Variants in SPICE1 observed in about 807,000 individuals in gnomAD.
SPICE1 encodes spindle and centriole associated protein 1, also known as spindle and centriole-associated protein 1.
SPICE1 carries 75 observed loss-of-function variants against 102.7 expected under a neutral mutation model. The observed-to-expected ratio is 0.73, with a 90% CI of 0.61 to 0.88. The LOEUF is 0.88. SPICE1 is among the 40% of genes least tolerant of loss of function. The pLI is 0.00. For missense variants in SPICE1, 979 were observed against 1,020.1 expected, an observed-to-expected ratio of 0.96 and a Z score of 0.55; for synonymous variants, 308 against 350.3, an observed-to-expected ratio of 0.88 and a Z score of 1.35.
intron 7 of SPICE1, among the ~76,000 whole-genome samples, chr3:113,479,261 T>C (rs1011075467): frequency 1.3e-5 from 2 of 151,146 alleles, no homozygotes; most frequent in African/African-American, 2.4e-5. Context: ...TTACTGAGAA[T>C]GATGATTTCC....
rs544807967 is a variant in SPICE1, at chr3:113,459,703, G to A, written c.1435+914C>T. On this transcript the variant is annotated intron_variant, in intron 12 of 17. Transcript: ENST00000295872. ...TCGAGACCAGGCTGGCCAACATGGTGAAACCCCGTCTCTACTAAAAACACA... is the reference window on the plus strand; with the variant it reads ...TCGAGACCAGGCTGGCCAACATGGTAAAACCCCGTCTCTACTAAAAACACA... 6.6e-6 allele frequency: 5 copies of A among 755,824 alleles called. No individual in the cohort carries two copies. The East Asian group carries it at 6.5e-4, about 99-fold the overall frequency. 46.8% of individuals were successfully genotyped at this position (755,824 alleles called of 1,614,324 possible).
chr3:113,471,162 T>C (rs1936186722), intron 7 of SPICE1, among the ~76,000 whole-genome samples: 1 of 152,128 alleles, frequency 6.6e-6, no homozygotes, highest in South Asian at 2.1e-4. Context: ...CTGAAGATAT[T>C]CCATGTCCTA....
At chr3:113,474,270 C>G (rs999209434) in intron 7 of SPICE1, among the ~76,000 whole-genome samples, 5 of 152,026 alleles carry the variant, frequency 3.3e-5, no homozygotes, top group African/African-American at 1.2e-4. Context: ...AATACAGGAG[C>G]ACCCAGATTC....
At chr3:113,450,110 C>T (rs576471082) in intron 15 of SPICE1, 199 of 544,400 alleles carry the variant, frequency 3.7e-4, no homozygotes, top group Non-Finnish European at 4.6e-5. Flanking sequence ...ACTCAGACAC[C>T]AAAGATTAAC....
intron 12 of SPICE1, 151 bp downstream of exon 12, chr3:113,460,466 T>G (rs949404060): frequency 6.5e-6 from 9 of 1,385,538 alleles, no homozygotes; most frequent in Non-Finnish European, 8.4e-6. Flanking sequence ...CAATATTAGC[T>G]GGAAAAGTAG....
intron 7 of SPICE1, among the ~76,000 whole-genome samples, chr3:113,488,175 T>A (rs1376652322): frequency 6.6e-6 from 1 of 152,218 alleles, no homozygotes; most frequent in Non-Finnish European, 1.5e-5. Context: ...TAAATCAATG[T>A]AATTTCCTGA....
chr3:113,455,378 A>G (rs1935756680), intron 13 of SPICE1, among the ~76,000 whole-genome samples: 1 of 152,230 alleles, frequency 6.6e-6, no homozygotes, highest in African/African-American at 2.4e-5. Context: ...GAAATTCTAC[A>G]GCAATAGTGT....
chr3:113,460,371 T>C (rs1935902351), intron 12 of SPICE1: 1 of 914,718 alleles, frequency 1.1e-6, no homozygotes, highest in Middle Eastern at 5.6e-4. Context: ...GGGATAACAA[T>C]AACACCTACC....
intron 6 of SPICE1, among the ~76,000 whole-genome samples, chr3:113,490,910 T>C (rs998189091): frequency 1.3e-5 from 2 of 152,174 alleles, no homozygotes; most frequent in African/African-American, 4.8e-5. Context: ...CCTTCCCTAT[T>C]GGCATGGCTT....
intron 12 of SPICE1, chr3:113,459,831 G>C (rs1001294267): frequency 1.0e-6 from 1 of 963,350 alleles, no homozygotes; most frequent in Non-Finnish European, 1.2e-6. Flanking sequence ...GCAGTAAGCC[G>C]AGAGGGCGCC....
At chr3:113,483,926 T>C (rs1173184526) in intron 7 of SPICE1, among the ~76,000 whole-genome samples, 1 of 152,218 alleles carries the variant, frequency 6.6e-6, no homozygotes, top group Non-Finnish European at 1.5e-5. Context: ...CTTTTTCTAT[T>C]GTTTGGAATA....
intron 4 of SPICE1, chr3:113,499,090 C>T (rs946562736): frequency 1.2e-5 from 2 of 160,864 alleles, no homozygotes; most frequent in African/African-American, 4.8e-5. Flanking sequence ...AGCTTATATA[C>T]AAAAAGAGGA....
At position 113,480,812 on chromosome 3, in the gene SPICE1, G is replaced by A. The variant is rs183215633; in HGVS notation, c.611+8133C>T. On this transcript the variant is annotated intron_variant, in intron 7 of 17. Transcript: ENST00000295872. ...GCTGAGGTGAGAGGCTGAGGTGAGA[G>A]GATTACCTGAGCTGTGATCACACCA... Among the ~76,000 whole-genome samples the A allele has an allele frequency of 2.1e-4, 32 of 151,746 alleles. No homozygotes were observed. The East Asian group carries it at 4.5e-3, about 21-fold the overall frequency.
chr3:113,463,286 G>A (rs1425182102), intron 11 of SPICE1, among the ~76,000 whole-genome samples: 1 of 152,178 alleles, frequency 6.6e-6, no homozygotes, highest in African/African-American at 2.4e-5. Flanking sequence ...TATTTAGAAT[G>A]TAAGCTCCAT....
chr3:113,493,989 A>G, intron 5 of SPICE1, 60 bp downstream of exon 5: 1 of 1,167,696 alleles, frequency 8.6e-7, no homozygotes, highest in South Asian at 1.4e-5. Flanking sequence ...AAATTCTTCC[A>G]AATAGTCAAC....
intron 14 of SPICE1, among the ~76,000 whole-genome samples, chr3:113,451,619 T>C (rs190816725): frequency 1.3e-5 from 2 of 152,298 alleles, no homozygotes; most frequent in Admixed American, 1.3e-4. Context: ...AGCAAAACAT[T>C]AGACTCTGCT....
chr3:113,453,957 A>G lies in SPICE1; in HGVS notation c.1658-7T>C. On this transcript the variant is annotated splice_polypyrimidine_tract_variant and splice_region_variant and intron_variant, in intron 13 of 17. Coordinates refer to ENST00000295872, the MANE Select transcript of SPICE1 (RefSeq NM_144718.4). ...TGAACAGTCCTTCTCAATACTATAGATAAGAATTTAAAAATAACAAATATG... is the reference window on the plus strand; with the variant it reads ...TGAACAGTCCTTCTCAATACTATAGGTAAGAATTTAAAAATAACAAATATG... 6.3e-7 allele frequency: 1 copy of G among 1,576,280 alleles called. No individual in the cohort carries two copies. The highest frequency in any genetic ancestry group is 1.2e-5 in the South Asian group (1 of 85,224).
chr3:113,472,372 A>G (rs1936226192), intron 7 of SPICE1, among the ~76,000 whole-genome samples: 1 of 152,208 alleles, frequency 6.6e-6, no homozygotes, highest in Non-Finnish European at 1.5e-5. Flanking sequence ...GACAAACAAA[A>G]AGACAGCAGT....
At chr3:113,447,108 A>G in intron 16 of SPICE1, among the ~76,000 whole-genome samples, 1 of 152,094 alleles carries the variant, frequency 6.6e-6, no homozygotes, top group East Asian at 1.9e-4. Context: ...TTCGCCTCCC[A>G]CCATGATTTT....
Sources: allele counts gnomAD v4.1 joint callset (sites outside exome capture counted in the v4.1 genomes callset), GRCh38; gene constraint gnomAD v4.1.1; transcripts MANE v1.5; gene names NCBI Gene and HGNC (gene_info 2026-07-23, HGNC 2026-07-21).